FAM25C: variants seen among roughly 807,000 people sequenced by gnomAD.
FAM25C encodes the protein family with sequence similarity 25 member C.
In FAM25C, 4 loss-of-function variants were observed where a neutral mutation model predicts 9.6. The ratio of observed to expected loss-of-function variants is 0.42; its 90% CI spans 0.20 to 0.95. FAM25C has a LOEUF of 0.95. Ranked by LOEUF, FAM25C falls within the 40% of genes least tolerant of loss-of-function variation. The probability of loss-of-function intolerance (pLI) is 0.31; values close to 1 mark genes in which losing one functional copy is unlikely to be tolerated. For missense variants in FAM25C, 38 were observed against 110.4 expected (o/e 0.34, Z 2.94); for synonymous variants, 23 against 44.1 (o/e 0.52, Z 1.89).
At position 47,995,361 on chromosome 10, in the gene FAM25C, C is replaced by T. The variant is rs782203677; in HGVS notation, c.*17G>A. 32 of 1,474,626 alleles carry T rather than the reference C, an allele frequency of 2.2e-5. No individual in the cohort carries two copies. In the African/African-American group the frequency reaches 2.3e-4, roughly 10 times the overall value. 91.3% of individuals were successfully genotyped at this position (1,474,626 alleles called of 1,614,324 possible). On this transcript the variant is annotated 3_prime_UTR_variant, in exon 3 of 3. Coordinates refer to ENST00000617224, the MANE Select transcript of FAM25C (RefSeq NM_001137548.3). ...CTTTTTATTGAGACTGGGGAAGGGC[C>T]GTGGTAGCAGGTGCACTCACTGTCC...
chr10:47,995,565 T>A, intron 2 of FAM25C, 54 bp from the exon 3 acceptor site: 1 of 1,532,304 alleles, frequency 6.5e-7, no homozygotes, highest in South Asian at 1.2e-5. Context: ...TGAACTTGTG[T>A]CCCCTTGAGT....
At chr10:47,996,207 A>G (rs1294790371) in intron 2 of FAM25C, among the ~76,000 whole-genome samples, 1 of 133,366 alleles carries the variant, frequency 7.5e-6, no homozygotes, top group Non-Finnish European at 1.6e-5. Flanking sequence ...CATGAACCAG[A>G]AAGACTCCCT....
intron 2 of FAM25C, among the ~76,000 whole-genome samples, chr10:47,997,442 T>A (rs1487100924): frequency 5.3e-5 from 8 of 151,862 alleles, no homozygotes; most frequent in Non-Finnish European, 8.8e-5. Flanking sequence ...TGCTGTCACA[T>A]AGTCTTGTGT....
intron 1 of FAM25C, among the ~76,000 whole-genome samples, chr10:47,998,649 A>G (rs1842840734): frequency 1.6e-5 from 2 of 123,912 alleles, no homozygotes; most frequent in African/African-American, 2.8e-5. Context: ...AGTGAATGAG[A>G]AACATATGGC....
chr10:47,998,083 C>A (rs1555256673), intron 1 of FAM25C, among the ~76,000 whole-genome samples: 1 of 151,430 alleles, frequency 6.6e-6, no homozygotes, highest in Non-Finnish European at 1.5e-5. Flanking sequence ...GCATGGGTCC[C>A]TGAAGCCCCT....
chr10:47,997,585 G>T (rs1842820581), intron 2 of FAM25C, 92 bp downstream of exon 2: 1 of 773,660 alleles, frequency 1.3e-6, no homozygotes, highest in Non-Finnish European at 2.2e-6. Context: ...TAGGGGCAGA[G>T]TTTGACCTGG....
Position 47,997,545 on chromosome 10 carries a change from C to T in FAM25C, c.136+132G>A, listed in dbSNP as rs537643804. On this transcript the variant is annotated intron_variant, in intron 2 of 2. Coordinates refer to ENST00000617224, the MANE Select transcript of FAM25C (RefSeq NM_001137548.3). ...CTCTGATGAGCATAGATAACTGCCC[C>T]AGCCAAGAGGCTCTGAAAGGCTGCA... is the stretch of plus-strand genomic sequence containing the variant. 3,271 of 796,472 alleles carry T rather than the reference C, an allele frequency of 4.1e-3. 192 individuals carry two copies. In the Admixed American group the frequency reaches 0.062, roughly 15 times the overall value. The allele number at this position is 796,472 out of a possible 1,614,324, so 49.3% of individuals were successfully genotyped here. A position where few individuals can be genotyped will look rare whatever the true frequency, so the allele number is the denominator to read the frequency against.
intron 2 of FAM25C, among the ~76,000 whole-genome samples, chr10:47,996,060 T>C (rs1453886161): frequency 6.7e-6 from 1 of 148,434 alleles, no homozygotes; most frequent in Non-Finnish European, 1.5e-5. Context: ...CCCTCAAAAC[T>C]CATATGCTGA....
At chr10:47,998,819 T>A (rs1823374056) in intron 1 of FAM25C, among the ~76,000 whole-genome samples, 1 of 137,868 alleles carries the variant, frequency 7.3e-6, no homozygotes, top group Admixed American at 7.3e-5. Flanking sequence ...AGCTGCAGAG[T>A]CAAAAACAAA....
At chr10:47,998,685 A>G (rs1290430536) in intron 1 of FAM25C, among the ~76,000 whole-genome samples, 1 of 137,640 alleles carries the variant, frequency 7.3e-6, no homozygotes, top group Non-Finnish European at 1.6e-5. Context: ...CAGTGCTAGA[A>G]GCAAGGAGCC....
At chr10:47,998,111 G>C (rs1451665127) in intron 1 of FAM25C, among the ~76,000 whole-genome samples, 1 of 151,382 alleles carries the variant, frequency 6.6e-6, no homozygotes, top group Non-Finnish European at 1.5e-5. Flanking sequence ...GCCCGGCCTG[G>C]AATGGCAATG....
At chr10:47,997,996 C>T (rs1479937302) in intron 1 of FAM25C, among the ~76,000 whole-genome samples, 3 of 150,382 alleles carry the variant, frequency 2.0e-5, no homozygotes, top group African/African-American at 7.3e-5. Flanking sequence ...TGAGAAGGAC[C>T]TTCCCCCACA....
rs540850852 is a variant in FAM25C at position 47,997,358 on chromosome 10, C to T, written c.136+319G>A. Among the ~76,000 whole-genome samples, 489 of 151,924 alleles carry T rather than the reference C, an allele frequency of 3.2e-3. 1 individual carries two copies. Among genetic ancestry groups the T allele is most frequent in the African/African-American group, 0.011 (463 of 41,470 alleles). On this transcript the variant is annotated intron_variant, in intron 2 of 2. Transcript: ENST00000617224. ...TCTCCTGACCTCGTGATCCGCCCTC[C>T]TCAGCCTCCCAAAGTGCTGGGATTA...
In FAM25C at chr10:47,995,450, G is replaced by A. The variant is rs7073749; in HGVS notation, c.198C>T (p.Thr66=). The A allele has an allele frequency of 2.9e-5, 44 of 1,527,156 alleles. 1 individual carries two copies. Among genetic ancestry groups the A allele is most frequent in the Admixed American group, 1.2e-4 (6 of 50,588 alleles). The allele number at this position is 1,527,156 out of a possible 1,614,324, so 94.6% of individuals were successfully genotyped here. A position where few individuals can be genotyped will look rare whatever the true frequency, so the allele number is the denominator to read the frequency against. ...TTGTGACTGTGTTGGTCACTGTCTC[G>A]GTGATTTCCTTCATCTTTTTGTCCC... ...ESGDKKMKEI[T]ETVTNTVTNA... The change falls in exon 3 of 3, where the codon ACC becomes ACT. Residue 66 remains threonine (T), a synonymous_variant. Coordinates refer to ENST00000617224, the MANE Select transcript of FAM25C (RefSeq NM_001137548.3).
At chr10:47,996,820 ATTTTTTT>A (rs60497249) in intron 2 of FAM25C, among the ~76,000 whole-genome samples, 5 of 75,032 alleles carry the variant, frequency 6.7e-5, no homozygotes, top group Non-Finnish European at 1.2e-4. Context: ...TTACATGTTA[ATTTTTTT>A]TTTTTTTTTT....
Position 47,995,346 on chromosome 10 carries a change from A to C in FAM25C, c.*32T>G, listed in dbSNP as rs1296181967. On this transcript the variant is annotated 3_prime_UTR_variant, in exon 3 of 3. Transcript: ENST00000617224. Reference sequence around the variant, plus strand: ...GTACACATGTCATGGCTTTTTATTGAGACTGGGGAAGGGCCGTGGTAGCAG... The same window carrying C: ...GTACACATGTCATGGCTTTTTATTGCGACTGGGGAAGGGCCGTGGTAGCAG... 4.2e-6 allele frequency: 6 copies of C among 1,431,992 alleles called. No individual in the cohort carries two copies. The highest frequency in any genetic ancestry group is 5.7e-6 in the Non-Finnish European group (6 of 1,058,178). The allele number at this position is 1,431,992 out of a possible 1,614,324, so 88.7% of individuals were successfully genotyped here.
In FAM25C at chr10:47,996,820, ATTTTTTTTTTTTTTT is replaced by A. The variant is rs60497249; in HGVS notation, c.136+842_136+856del. Among the ~76,000 whole-genome samples the A allele has an allele frequency of 5.3e-5, 4 of 75,034 alleles. No individual in the cohort carries two copies. In the Admixed American group the frequency reaches 6.0e-4, roughly 11 times the overall value. The allele number at this position is 75,034 out of a possible 152,430, so 49.2% of individuals were successfully genotyped here. On this transcript the variant is annotated intron_variant, in intron 2 of 2. Coordinates refer to ENST00000617224, the MANE Select transcript of FAM25C (RefSeq NM_001137548.3). ...ATTTAACATAGAATTTTACATGTTA[ATTTTTTTTTTTTTTT>A]TTTTTTTTTTTTTTGAGACAGAGTA...
At chr10:47,997,270 G>A (rs1316587362) in intron 2 of FAM25C, among the ~76,000 whole-genome samples, 4 of 146,856 alleles carry the variant, frequency 2.7e-5, no homozygotes, top group South Asian at 2.2e-4. Flanking sequence ...CACCATGCCC[G>A]GCTAATTTTT....
At chr10:47,995,637 G>A in intron 2 of FAM25C, 126 bp from the exon 3 acceptor site, 2 of 876,292 alleles carry the variant, frequency 2.3e-6, no homozygotes, top group South Asian at 3.5e-5. Flanking sequence ...GGGACCAAGG[G>A]CAGCAGGATT....
Sources: allele counts gnomAD v4.1 joint callset (sites outside exome capture counted in the v4.1 genomes callset), GRCh38; gene constraint gnomAD v4.1.1; transcripts MANE v1.5; gene names NCBI Gene and HGNC (gene_info 2026-07-23, HGNC 2026-07-21).